Variants in DNAH11 observed in about 807,000 individuals in gnomAD.
DNAH11 encodes axonemal beta dynein heavy chain 11.
A neutral mutation model predicts 526.0 loss-of-function variants in DNAH11; 442 were observed. The observed-to-expected ratio is 0.84, with a 90% CI of 0.78 to 0.91. The LOEUF (loss-of-function observed/expected upper bound fraction) is 0.91, where lower values mean the gene tolerates loss of function less well. DNAH11 is among the 40% of genes least tolerant of loss of function. The probability of loss-of-function intolerance (pLI) is 0.00; values close to 1 mark genes in which losing one functional copy is unlikely to be tolerated. For missense variants in DNAH11, 6,989 were observed against 5,448.7 expected (o/e 1.28, Z -8.90); for synonymous variants, 2,461 against 1,935.9 (o/e 1.27, Z -7.12).
At chr7:21,699,606 A>G (rs1456106251) in intron 36 of DNAH11, among the ~76,000 whole-genome samples, 1 of 152,146 alleles carries the variant, frequency 6.6e-6, no homozygotes, top group Non-Finnish European at 1.5e-5. Flanking sequence ...CTGTGAATTT[A>G]CATTGGGTGG....
At position 21,743,870 on chromosome 7, in the gene DNAH11, C is replaced by G. The variant is rs1786029526; in HGVS notation, c.8155-568C>G. ...AGTTCTCCACAACTCCCTTACTGTT[C>G]TCCTGTGCATCCAGAGTAAGCTGCC... On this transcript the variant is annotated intron_variant, in intron 49 of 81. Coordinates refer to ENST00000409508, the MANE Select transcript of DNAH11 (RefSeq NM_001277115.2). Among the ~76,000 whole-genome samples, 11 of 152,300 alleles carry G rather than the reference C, an allele frequency of 7.2e-5. No individual in the cohort carries two copies. The South Asian group carries it at 2.3e-3, about 32-fold the overall frequency.
chr7:21,627,074 A>T (rs1156667762), intron 25 of DNAH11, among the ~76,000 whole-genome samples: 1 of 152,036 alleles, frequency 6.6e-6, no homozygotes, highest in Non-Finnish European at 1.5e-5. Context: ...AGAAATGCCT[A>T]TTCAAATATT....
At chr7:21,638,667 T>C (rs1651932402) in intron 27 of DNAH11, among the ~76,000 whole-genome samples, 1 of 150,618 alleles carries the variant, frequency 6.6e-6, no homozygotes, top group Non-Finnish European at 1.5e-5. Flanking sequence ...CTAAGTCTAA[T>C]TCATATTTAG....
chr7:21,637,406 A>G (rs1392634275), intron 26 of DNAH11, among the ~76,000 whole-genome samples: 1 of 152,188 alleles, frequency 6.6e-6, no homozygotes, highest in Non-Finnish European at 1.5e-5. Flanking sequence ...TATTTTTATA[A>G]AAACGGTGTG....
At chr7:21,747,495 T>C (rs1786201396) in intron 51 of DNAH11, among the ~76,000 whole-genome samples, 1 of 152,252 alleles carries the variant, frequency 6.6e-6, no homozygotes, top group South Asian at 2.1e-4. Flanking sequence ...CTATATTTTG[T>C]TTTGTTGGTT....
At chr7:21,545,264 TG>T (rs1583469407) in intron 2 of DNAH11, 115 bp downstream of exon 2, 1 of 241,630 alleles carries the variant, frequency 4.1e-6, no homozygotes, top group Admixed American at 1.3e-4. Flanking sequence ...GGGAAGGGGA[TG>T]GGGGTGGTTA....
intron 25 of DNAH11, among the ~76,000 whole-genome samples, chr7:21,623,900 G>A (rs1237259679): frequency 6.6e-6 from 1 of 151,292 alleles, no homozygotes; most frequent in East Asian, 1.9e-4. Context: ...CACCAGCATG[G>A]CACATGTATA....
chr7:21,685,889 C>T (rs1783353988), intron 32 of DNAH11, among the ~76,000 whole-genome samples: 3 of 152,180 alleles, frequency 2.0e-5, no homozygotes, highest in Admixed American at 2.0e-4. Context: ...TCTGCACATA[C>T]ACCATTGGTT....
intron 57 of DNAH11, among the ~76,000 whole-genome samples, chr7:21,783,970 G>A (rs1276502882): frequency 6.6e-6 from 1 of 152,172 alleles, no homozygotes; most frequent in Non-Finnish European, 1.5e-5. Flanking sequence ...CTTCAGATCT[G>A]TTCTTTAGGA....
intron 36 of DNAH11, among the ~76,000 whole-genome samples, chr7:21,701,869 T>G (rs1784076023): frequency 6.6e-6 from 1 of 152,146 alleles, no homozygotes; most frequent in Non-Finnish European, 1.5e-5. Flanking sequence ...GTCTTTCCCA[T>G]AGACACAGCT....
chr7:21,826,346 TA>T (rs1790299206), intron 65 of DNAH11, among the ~76,000 whole-genome samples: 1 of 152,176 alleles, frequency 6.6e-6, no homozygotes, highest in African/African-American at 2.4e-5. Context: ...GGAGATATGG[TA>T]AAATAAAAAT....
intron 28 of DNAH11, among the ~76,000 whole-genome samples, chr7:21,652,111 G>A (rs574526927): frequency 5.6e-4 from 86 of 152,344 alleles, no homozygotes; most frequent in Admixed American, 1.5e-3. Context: ...ACAGAAGAGA[G>A]AGCTGACGGA....
intron 76 of DNAH11, among the ~76,000 whole-genome samples, chr7:21,889,153 C>T (rs1420878587): frequency 6.6e-6 from 1 of 152,162 alleles, no homozygotes; most frequent in African/African-American, 2.4e-5. Context: ...TAAAAATGGA[C>T]TCATACAATA....
At chr7:21,778,816 C>A in intron 56 of DNAH11, 142 bp from the exon 57 acceptor site, 2 of 961,686 alleles carry the variant, frequency 2.1e-6, no homozygotes, top group Non-Finnish European at 2.9e-6. Context: ...TTTTGCAAAT[C>A]AGAAGACAGT....
intron 30 of DNAH11, among the ~76,000 whole-genome samples, chr7:21,670,950 T>C (rs1419639917): frequency 6.6e-6 from 1 of 152,150 alleles, no homozygotes; most frequent in Non-Finnish European, 1.5e-5. Flanking sequence ...CATTTATGTT[T>C]ATCAGGTACA....
intron 6 of DNAH11, among the ~76,000 whole-genome samples, chr7:21,566,754 G>A (rs926563030): frequency 1.3e-5 from 2 of 152,028 alleles, no homozygotes; most frequent in South Asian, 2.1e-4. Flanking sequence ...GTATGCTAAC[G>A]ATAATTGTAA....
intron 8 of DNAH11, among the ~76,000 whole-genome samples, chr7:21,573,603 A>G (rs1783976402): frequency 2.0e-5 from 3 of 152,162 alleles, no homozygotes; most frequent in African/African-American, 7.2e-5. Context: ...GGTGCTTTTT[A>G]GCTGAGTTCC....
intron 76 of DNAH11, among the ~76,000 whole-genome samples, chr7:21,887,326 T>G (rs1784162127): frequency 6.6e-6 from 1 of 152,224 alleles, no homozygotes; most frequent in Non-Finnish European, 1.5e-5. Context: ...AGAAAACATC[T>G]TCTCACATAA....
Position 21,687,440 on chromosome 7 carries a change from A to G in DNAH11, c.5837A>G (p.Glu1946Gly), listed in dbSNP as rs528729169. The change falls in exon 34 of 82, where the codon GAG (glutamate) becomes GGG (glycine). Residue 1946 changes from glutamate to glycine, a missense_variant. Glu to Gly is a moderately conservative substitution (Grantham distance 98). Coordinates refer to ENST00000409508, the MANE Select transcript of DNAH11 (RefSeq NM_001277115.2). The part of the protein sequence containing the change: ...VQTGAWGCFD[E>G]FNRISVEVLS... ...ACAGGAGCTTGGGGCTGCTTTGATG[A>G]GTTCAACCGAATCTCTGTGGAAGTT... is the stretch of plus-strand genomic sequence containing the variant. 1 of 1,614,010 alleles carries G rather than the reference A, an allele frequency of 6.2e-7. No homozygotes were observed. Among genetic ancestry groups the G allele is most frequent in the East Asian group, 2.2e-5 (1 of 44,876 alleles).
Sources: allele counts gnomAD v4.1 joint callset (sites outside exome capture counted in the v4.1 genomes callset), GRCh38; gene constraint gnomAD v4.1.1; transcripts MANE v1.5; gene names NCBI Gene and HGNC (gene_info 2026-07-23, HGNC 2026-07-21).